KCTD16: variants seen among roughly 807,000 people sequenced by gnomAD.
KCTD16 encodes the protein BTB/POZ domain-containing protein KCTD16.
Under a neutral mutation model 33.2 loss-of-function variants are expected in KCTD16, and 13 were observed. That is an observed-to-expected ratio of 0.39 (90% confidence interval 0.25 to 0.62). The LOEUF is 0.62. Among genes scored for constraint, KCTD16 ranks in the 20% least tolerant of loss-of-function variants. The probability of loss-of-function intolerance (pLI) is 0.50; values close to 1 mark genes in which losing one functional copy is unlikely to be tolerated. For synonymous variants in KCTD16, 197 were observed against 195.3 expected (o/e 1.01, Z -0.07); for missense variants, 441 against 525.1 (o/e 0.84, Z 1.57).
At position 144,478,474 on chromosome 5, in the gene KCTD16, T is replaced by G. The variant is rs1428948240; in HGVS notation, c.*4360T>G. 2 of 152,052 alleles carry G rather than the reference T, an allele frequency of 1.3e-5. No individual in the cohort carries two copies. The highest frequency in any genetic ancestry group is 4.8e-5 in the African/African-American group (2 of 41,422). 9.4% of individuals were successfully genotyped at this position (152,052 alleles called of 1,614,324 possible). On this transcript the variant is annotated 3_prime_UTR_variant, in exon 4 of 4. Transcript: ENST00000512467. ...AATGGAGATTCTTTTTCCAGTGATC[T>G]CCATTGCAAACTTTTTAATAGTGTT... is the stretch of plus-strand genomic sequence containing the variant.
intron 3 of KCTD16, among the ~76,000 whole-genome samples, chr5:144,387,338 T>C (rs1752348540): frequency 6.6e-6 from 1 of 152,062 alleles, no homozygotes; most frequent in South Asian, 2.1e-4. Context: ...GGTGGTATTT[T>C]TGTTTTCTCC....
chr5:144,261,636 C>G (rs1755014607), intron 3 of KCTD16, among the ~76,000 whole-genome samples: 1 of 152,264 alleles, frequency 6.6e-6, no homozygotes, highest in Non-Finnish European at 1.5e-5. Context: ...GAGAAGTCCT[C>G]TGTGAAATCT....
chr5:144,377,768 G>A (rs1451904249), intron 3 of KCTD16: 1 of 152,182 alleles, frequency 6.6e-6, no homozygotes, highest in Non-Finnish European at 1.5e-5. Context: ...AGACCCAGGA[G>A]TGACTAGGGA....
intron 3 of KCTD16, among the ~76,000 whole-genome samples, chr5:144,217,846 CAAAAA>C (rs796330260): frequency 7.4e-6 from 1 of 134,982 alleles, no homozygotes. Flanking sequence ...ACATGCAGAC[CAAAAA>C]AAAAAAAAAG....
chr5:144,398,904 C>T lies in KCTD16; in HGVS notation c.833-74756C>T, dbSNP rs183121771. Among the ~76,000 whole-genome samples, 53 of 152,236 alleles carry T rather than the reference C, an allele frequency of 3.5e-4. 1 individual carries two copies. Among genetic ancestry groups the T allele is most frequent in the Admixed American group, 1.4e-3 (22 of 15,274 alleles). On this transcript the variant is annotated intron_variant, in intron 3 of 3. Coordinates refer to ENST00000512467, the MANE Select transcript of KCTD16 (RefSeq NM_020768.4). ...TTTTGGTACTTCCTTGCATTTACAT[C>T]TTATATACCATGACTTTTAACACCT...
chr5:144,223,215 C>A (rs1331226936), intron 3 of KCTD16, among the ~76,000 whole-genome samples: 2 of 152,070 alleles, frequency 1.3e-5, no homozygotes, highest in Non-Finnish European at 2.9e-5. Flanking sequence ...ATGGGTGCAG[C>A]ACACCAACAT....
chr5:144,321,742 C>T (rs1489436035), intron 3 of KCTD16, among the ~76,000 whole-genome samples: 4 of 152,232 alleles, frequency 2.6e-5, no homozygotes, highest in Non-Finnish European at 5.9e-5. Context: ...GAATAATATG[C>T]AACACCTCTG....
chr5:144,177,031 T>G (rs1752524521), intron 2 of KCTD16, among the ~76,000 whole-genome samples: 1 of 152,206 alleles, frequency 6.6e-6, no homozygotes, highest in African/African-American at 2.4e-5. Flanking sequence ...TTTAGTTTAA[T>G]TAGGTCCCAC....
intron 3 of KCTD16, among the ~76,000 whole-genome samples, chr5:144,385,706 T>C (rs1352248620): frequency 1.3e-5 from 2 of 152,216 alleles, no homozygotes; most frequent in African/African-American, 2.4e-5. Context: ...CAAAAATGTA[T>C]ATGTCTGCCT....
chr5:144,476,697 G>A lies in KCTD16; in HGVS notation c.*2583G>A, dbSNP rs1295208898. 6.6e-6 allele frequency: 1 copy of A among 152,042 alleles called. No individual in the cohort carries two copies. Among genetic ancestry groups the A allele is most frequent in the East Asian group, 1.9e-4 (1 of 5,168 alleles). The allele number at this position is 152,042 out of a possible 1,614,324, so 9.4% of individuals were successfully genotyped here. The stretch of plus-strand genomic sequence containing the variant: ...GACCTGGCCAGTAAAAGGCTCTGAG[G>A]AGGCTTAAAGTACCTAGTTTGAGTG... On this transcript the variant is annotated 3_prime_UTR_variant, in exon 4 of 4. Coordinates refer to ENST00000512467, the MANE Select transcript of KCTD16 (RefSeq NM_020768.4).
intron 3 of KCTD16, among the ~76,000 whole-genome samples, chr5:144,461,103 A>T (rs1309212784): frequency 6.6e-6 from 1 of 152,212 alleles, no homozygotes; most frequent in African/African-American, 2.4e-5. Context: ...TTCTTACAAA[A>T]AATGTAAGAT....
At chr5:144,184,654 C>T (rs1307697515) in intron 2 of KCTD16, among the ~76,000 whole-genome samples, 3 of 152,148 alleles carry the variant, frequency 2.0e-5, no homozygotes, top group African/African-American at 7.2e-5. Flanking sequence ...CTAATTGCTC[C>T]ATACGATAGC....
intron 3 of KCTD16, among the ~76,000 whole-genome samples, chr5:144,310,132 A>G (rs1200024650): frequency 6.6e-6 from 1 of 152,018 alleles, no homozygotes; most frequent in Non-Finnish European, 1.5e-5. Context: ...GCTCCCACAT[A>G]TGAATGAGAA....
At chr5:144,282,337 C>A (rs1203551386) in intron 3 of KCTD16, among the ~76,000 whole-genome samples, 5 of 151,954 alleles carry the variant, frequency 3.3e-5, no homozygotes, top group African/African-American at 9.7e-5. Context: ...AAACTTCATG[C>A]CCCTTCCCAC....
intron 3 of KCTD16, among the ~76,000 whole-genome samples, chr5:144,268,127 A>G (rs574014262): frequency 6.6e-6 from 1 of 152,278 alleles, no homozygotes; most frequent in South Asian, 2.1e-4. Flanking sequence ...AGCAGTAGCT[A>G]TTCATCTCCC....
At chr5:144,363,002 C>T (rs1207023829) in intron 3 of KCTD16, among the ~76,000 whole-genome samples, 1 of 152,134 alleles carries the variant, frequency 6.6e-6, no homozygotes, top group Non-Finnish European at 1.5e-5. Flanking sequence ...CGTTGTTCCT[C>T]CACTGAAAAC....
intron 3 of KCTD16, among the ~76,000 whole-genome samples, chr5:144,358,380 T>C (rs1309377755): frequency 6.6e-6 from 1 of 152,182 alleles, no homozygotes; most frequent in Non-Finnish European, 1.5e-5. Flanking sequence ...GCTATTGTCA[T>C]ATTGAAATTG....
In KCTD16 at chr5:144,307,838, C is replaced by T. The variant is rs1158676203; in HGVS notation, c.832+100292C>T. 2.6e-5 allele frequency among the ~76,000 whole-genome samples: 4 copies of T among 152,180 alleles called. No homozygotes were observed. The East Asian group carries it at 7.7e-4, about 29-fold the overall frequency. On this transcript the variant is annotated intron_variant, in intron 3 of 3. Transcript: ENST00000512467. ...CTGAAATTCTTAGCCAAGAAGATTG[C>T]CTAATAGAGGCTCAGGGAGATTAAG...
At chr5:144,174,224 A>G (rs1207715633) in intron 1 of KCTD16, 83 bp from the exon 2 acceptor site, 1 of 152,224 alleles carries the variant, frequency 6.6e-6, no homozygotes, top group Non-Finnish European at 1.5e-5. Flanking sequence ...CTTCACAAAC[A>G]CACGCAAAAC....
Sources: gnomAD v4.1 joint callset for allele counts (sites outside exome capture counted in the v4.1 genomes callset) on GRCh38, gnomAD v4.1.1 for gene constraint, MANE v1.5 for transcripts, NCBI Gene and HGNC (gene_info 2026-07-23, HGNC 2026-07-21) for gene names.